ROBO2: variants seen among roughly 807,000 people sequenced by gnomAD.
ROBO2 encodes the protein roundabout homolog 2.
ROBO2 carries 53 observed loss-of-function variants against 160.8 expected under a neutral mutation model. That is an observed-to-expected ratio of 0.33 (90% CI 0.26 to 0.41). The LOEUF (loss-of-function observed/expected upper bound fraction) is 0.41. Ranked by LOEUF, ROBO2 falls within the 10% of genes least tolerant of loss-of-function variation. The pLI is 1.00. For missense variants in ROBO2, 1,577 were observed against 1,722.4 expected (o/e 0.92, Z 1.49); for synonymous variants, 664 against 611.7 (o/e 1.09, Z -1.26).
chr3:76,858,099 G>A (rs927086966), intron 2 of ROBO2, among the ~76,000 whole-genome samples: 1 of 151,244 alleles, frequency 6.6e-6, no homozygotes, highest in Non-Finnish European at 1.5e-5. Flanking sequence ...TCCCAGCATA[G>A]CACTCGCTAG....
intron 2 of ROBO2, among the ~76,000 whole-genome samples, chr3:76,242,262 A>G (rs2107519606): frequency 6.6e-6 from 1 of 152,272 alleles, no homozygotes; most frequent in African/African-American, 2.4e-5. Flanking sequence ...GCTACTAAAA[A>G]CACAACTGCC....
intron 2 of ROBO2, among the ~76,000 whole-genome samples, chr3:76,532,322 C>T (rs963216790): frequency 5.3e-5 from 8 of 152,168 alleles, no homozygotes; most frequent in Non-Finnish European, 7.4e-5. Context: ...CTGATTTCCT[C>T]GGCAGCCTTA....
chr3:76,100,666 A>C (rs1356185654), intron 2 of ROBO2, among the ~76,000 whole-genome samples: 1 of 152,022 alleles, frequency 6.6e-6, no homozygotes, highest in South Asian at 2.1e-4. Flanking sequence ...TGAAGCCATT[A>C]CTATGTTATA....
intron 2 of ROBO2, among the ~76,000 whole-genome samples, chr3:77,009,319 T>TA (rs1222599368): frequency 1.3e-5 from 2 of 152,204 alleles, no homozygotes; most frequent in Admixed American, 1.3e-4. Context: ...TCCCTTTGAG[T>TA]AAATCACTGG....
intron 2 of ROBO2, among the ~76,000 whole-genome samples, chr3:77,026,755 G>C (rs1427477806): frequency 2.0e-5 from 3 of 152,126 alleles, no homozygotes; most frequent in Non-Finnish European, 2.9e-5. Flanking sequence ...TGAGACAGAT[G>C]ATATTCATAT....
intron 2 of ROBO2, among the ~76,000 whole-genome samples, chr3:77,105,989 T>TAA (rs2072742408): frequency 6.6e-6 from 1 of 152,194 alleles, no homozygotes; most frequent in African/African-American, 2.4e-5. Flanking sequence ...CCTTTTCATA[T>TAA]AAAGTTAAGA....
chr3:76,517,084 A>G (rs1475032078), intron 2 of ROBO2, among the ~76,000 whole-genome samples: 1 of 152,190 alleles, frequency 6.6e-6, no homozygotes, highest in Non-Finnish European at 1.5e-5. Flanking sequence ...TTATGTATCT[A>G]TATCATATGA....
intron 2 of ROBO2, among the ~76,000 whole-genome samples, chr3:77,423,182 C>G (rs1003080161): frequency 6.6e-6 from 1 of 152,092 alleles, no homozygotes; most frequent in Non-Finnish European, 1.5e-5. Flanking sequence ...GCTTATGAAG[C>G]AACATTTCTT....
At chr3:76,318,190 A>G (rs2107845607) in intron 2 of ROBO2, among the ~76,000 whole-genome samples, 1 of 152,240 alleles carries the variant, frequency 6.6e-6, no homozygotes, top group Non-Finnish European at 1.5e-5. Flanking sequence ...AGGTATATTA[A>G]AAAAGCTCTT....
intron 2 of ROBO2, among the ~76,000 whole-genome samples, chr3:77,247,797 T>C (rs1273832643): frequency 6.6e-6 from 1 of 152,186 alleles, no homozygotes; most frequent in African/African-American, 2.4e-5. Context: ...ACTTACTTAC[T>C]AATCCTTTGA....
At chr3:77,561,722 A>T (rs1252438624) in intron 9 of ROBO2, among the ~76,000 whole-genome samples, 1 of 152,146 alleles carries the variant, frequency 6.6e-6, no homozygotes, top group African/African-American at 2.4e-5. Context: ...TTTTTTAATG[A>T]TACTTTATTC....
At chr3:76,535,898 T>C (rs2082471277) in intron 2 of ROBO2, among the ~76,000 whole-genome samples, 2 of 152,252 alleles carry the variant, frequency 1.3e-5, no homozygotes, top group Non-Finnish European at 1.5e-5. Context: ...TCCGAGGTGA[T>C]TGGGCAGTGT....
intron 2 of ROBO2, among the ~76,000 whole-genome samples, chr3:76,910,725 CAA>C (rs10662303): frequency 5.6e-5 from 2 of 35,512 alleles, no homozygotes; most frequent in Non-Finnish European, 5.0e-5. Flanking sequence ...AACTCTGTCT[CAA>C]AAAAAAAAAA....
At chr3:77,171,546 A>G (rs1045759610) in intron 2 of ROBO2, among the ~76,000 whole-genome samples, 1 of 152,240 alleles carries the variant, frequency 6.6e-6, no homozygotes, top group Non-Finnish European at 1.5e-5. Context: ...AGAAATAGTT[A>G]TATTTGTGGT....
At chr3:76,723,134 T>G (rs899451134) in intron 2 of ROBO2, among the ~76,000 whole-genome samples, 1 of 152,150 alleles carries the variant, frequency 6.6e-6, no homozygotes, top group African/African-American at 2.4e-5. Context: ...TTTTTCTATT[T>G]GGATGGAAAA....
intron 2 of ROBO2, among the ~76,000 whole-genome samples, chr3:76,421,375 T>C (rs2075988855): frequency 6.6e-6 from 1 of 152,194 alleles, no homozygotes; most frequent in African/African-American, 2.4e-5. Context: ...ATTTTTAAAA[T>C]AAGATTCAAA....
intron 2 of ROBO2, among the ~76,000 whole-genome samples, chr3:76,400,819 A>C (rs972282868): frequency 2.0e-5 from 3 of 151,542 alleles, no homozygotes; most frequent in Non-Finnish European, 4.4e-5. Flanking sequence ...AATAATGTAG[A>C]CCATTCAGTG....
At chr3:77,112,147 G>A (rs1021279571) in intron 2 of ROBO2, among the ~76,000 whole-genome samples, 27 of 146,412 alleles carry the variant, frequency 1.8e-4, no homozygotes, top group African/African-American at 6.9e-4. Flanking sequence ...AGCCGAGATC[G>A]CGCCGCCGTC....
At chr3:76,332,820 A>C (rs960529508) in intron 2 of ROBO2, among the ~76,000 whole-genome samples, 1 of 152,222 alleles carries the variant, frequency 6.6e-6, no homozygotes, top group African/African-American at 2.4e-5. Flanking sequence ...AAAACTTTAC[A>C]CTGGATATCA....
Sources: gnomAD v4.1 joint callset for allele counts (sites outside exome capture counted in the v4.1 genomes callset) on GRCh38, gnomAD v4.1.1 for gene constraint, MANE v1.5 for transcripts, NCBI Gene and HGNC (gene_info 2026-07-23, HGNC 2026-07-21) for gene names.